Variants in SEPTIN8 observed in about 807,000 individuals in gnomAD.
SEPTIN8 encodes septin-8.
Under a neutral mutation model 53.1 loss-of-function variants are expected in SEPTIN8, and 22 were observed. The ratio of observed to expected loss-of-function variants is 0.41; its 90% CI spans 0.30 to 0.59. SEPTIN8 has a LOEUF of 0.59. Among genes scored for constraint, SEPTIN8 ranks in the 20% least tolerant of loss-of-function variants. SEPTIN8 has a pLI of 0.24. For synonymous variants in SEPTIN8, 228 were observed against 248.4 expected (o/e 0.92, Z 0.77); for missense variants, 536 against 638.7 (o/e 0.84, Z 1.73).
Position 132,764,340 on chromosome 5 carries a change from A to G in SEPTIN8, c.231T>C (p.His77=), listed in dbSNP as rs1236949778. ...GGGGCCGCAGGCGCACGCATGCCTC[A>G]TGGTGACTGGCTTCCTCAGTCTCGA... is the stretch of plus-strand genomic sequence containing the variant. ...TTFETEEASH[H]EACVRLRPQT... Residue 77 remains histidine (H), a synonymous_variant, in exon 3 of 10, where the codon CAT becomes CAC. Transcript: ENST00000378719. The G allele has an allele frequency of 2.5e-6, 4 of 1,614,040 alleles. No homozygotes were observed. Among genetic ancestry groups the G allele is most frequent in the South Asian group, 2.2e-5 (2 of 91,084 alleles).
chr5:132,771,019 G>A (rs958514347), intron 1 of SEPTIN8, among the ~76,000 whole-genome samples: 6 of 152,198 alleles, frequency 3.9e-5, no homozygotes, highest in Non-Finnish European at 5.9e-5. Context: ...GGCCGGCTGC[G>A]TGCCTCCATG....
intron 5 of SEPTIN8, 145 bp downstream of exon 5, chr5:132,762,339 G>A (rs1184128426): frequency 1.3e-6 from 1 of 771,100 alleles, no homozygotes; most frequent in Non-Finnish European, 2.1e-6. Flanking sequence ...ATGTAGGACT[G>A]GCCAGCTCCA....
At chr5:132,752,568 G>T (rs1427236506) in intron 9 of SEPTIN8, among the ~76,000 whole-genome samples, 2 of 152,164 alleles carry the variant, frequency 1.3e-5, no homozygotes, top group East Asian at 3.8e-4. Context: ...TCCTTTGTAT[G>T]AGTGTGTGGT....
intron 9 of SEPTIN8, chr5:132,759,101 C>A: frequency 1.7e-6 from 1 of 578,866 alleles, no homozygotes; most frequent in Non-Finnish European, 3.3e-6. Flanking sequence ...TCATGAAAAA[C>A]ACCCCTGCCC....
chr5:132,766,364 G>A (rs1193754377), intron 1 of SEPTIN8, among the ~76,000 whole-genome samples: 1 of 152,244 alleles, frequency 6.6e-6, no homozygotes, highest in Non-Finnish European at 1.5e-5. Flanking sequence ...GCAGAGGGCT[G>A]AGCGGCAGGC....
At chr5:132,762,939 C>A (rs140501408) in intron 4 of SEPTIN8, among the ~76,000 whole-genome samples, 1 of 152,194 alleles carries the variant, frequency 6.6e-6, no homozygotes, top group Non-Finnish European at 1.5e-5. Context: ...GACCCAGAAT[C>A]CTTTGAAGGT....
intron 9 of SEPTIN8, chr5:132,758,041 A>C: frequency 1.0e-6 from 1 of 992,910 alleles, no homozygotes; most frequent in Non-Finnish European, 1.2e-6. Context: ...TCTGGGGCAC[A>C]GACAACAGCT....
chr5:132,765,597 G>A (rs1040685374), intron 1 of SEPTIN8, 68 bp from the exon 2 acceptor site: 13 of 1,507,304 alleles, frequency 8.6e-6, no homozygotes, highest in South Asian at 8.0e-5. Flanking sequence ...CGGGGTGGGC[G>A]CTAAATCTGA....
upstream of SEPTIN8, chr5:132,778,053 C>G (rs749143307): frequency 1.4e-5 from 14 of 985,562 alleles, no homozygotes; most frequent in Non-Finnish European, 1.7e-5. Context: ...GCTAATGTCA[C>G]TGCTCAAAAC....
chr5:132,763,764 G>C lies in SEPTIN8; in HGVS notation c.476C>G (p.Pro159Arg), dbSNP rs772921324. ...RIHVCLYFIT[P>R]TGHSLKSLDL... is the part of the protein sequence containing the mutation. The stretch of plus-strand genomic sequence containing the variant: ...TAGAGACTTCAGGGAGTGCCCTGTG[G>C]GCGTGATGAAGTAGAGGCAAACGTG... Residue 159 changes from proline to arginine, a missense_variant, in exon 4 of 10, where the codon CCC (proline) becomes CGC (arginine). Pro to Arg is a moderately radical substitution (Grantham distance 103, BLOSUM62 -2). Coordinates refer to ENST00000378719, the MANE Select transcript of SEPTIN8 (RefSeq NM_001098811.2). The C allele has an allele frequency of 1.2e-6, 2 of 1,614,166 alleles. No homozygotes were observed.
chr5:132,765,650 A>G, intron 1 of SEPTIN8, 121 bp from the exon 2 acceptor site: 1 of 1,246,252 alleles, frequency 8.0e-7, no homozygotes, highest in South Asian at 1.5e-5. Flanking sequence ...TGAATTCTCA[A>G]CAAATCTCAG....
upstream of SEPTIN8, chr5:132,777,628 A>G: frequency 1.0e-6 from 1 of 985,452 alleles, no homozygotes; most frequent in Non-Finnish European, 1.2e-6. This position sits in a 1 kb window ranked among gnomAD's most constrained non-coding sequence, Gnocchi z 4.1. Context: ...CTCCCCCACC[A>G]AGCCGTCTCC....
In SEPTIN8 at chr5:132,762,611, G is replaced by C. The variant is rs1419564026; in HGVS notation, c.569C>G (p.Thr190Ser). The C allele has an allele frequency of 6.2e-7, 1 of 1,614,252 alleles. No homozygotes were observed. The highest frequency in any genetic ancestry group is 8.5e-7 in the Non-Finnish European group (1 of 1,180,034). ...CTTGTGGAGCTCGCTCTTGGAGATG[G>C]TGTCAGCCTTGGCGATGATGGGAAT... is the stretch of plus-strand genomic sequence containing the variant. ...NIIPIIAKAD[T>S]ISKSELHKFK... Residue 190 changes from threonine to serine, a missense_variant, in exon 5 of 10, where the codon ACC becomes AGC. By Grantham distance (58) the Thr-to-Ser change is moderately conservative. Around this residue, in one of 3 missense-constraint regions of SEPTIN8, gnomAD observed 395 missense variants for 451.8 expected, o/e 0.87. Coordinates refer to ENST00000378719, the MANE Select transcript of SEPTIN8 (RefSeq NM_001098811.2).
rs374687255 is a variant in SEPTIN8, at chr5:132,760,887, G to A, written c.1201C>T (p.Arg401Trp). 1.2e-5 allele frequency: 19 copies of A among 1,611,070 alleles called. No individual in the cohort carries two copies. The highest frequency in any genetic ancestry group is 5.4e-5 in the African/African-American group (4 of 74,694). ...LEEETNAFNR[R>W]KAAVEALQSQ... Reference sequence around the variant, plus strand: ...TGCAGGGCCTCCACCGCAGCCTTCCGGCGATTGAAGGCGTTGGTCTCCTCC... The same window carrying A: ...TGCAGGGCCTCCACCGCAGCCTTCCAGCGATTGAAGGCGTTGGTCTCCTCC... The change falls in exon 9 of 10, where the codon CGG (arginine) becomes TGG (tryptophan). Residue 401 changes from arginine (R) to tryptophan (W), a missense_variant. This residue lies in a region of SEPTIN8 where 133 missense variants were observed against 157.4 expected (regional missense o/e 0.84). Transcript: ENST00000378719. This position sits in a 1 kb window ranked among gnomAD's most constrained non-coding sequence, Gnocchi z 5.2.
chr5:132,759,117 C>T (rs1258159782), intron 9 of SEPTIN8: 1 of 537,624 alleles, frequency 1.9e-6, no homozygotes, highest in Non-Finnish European at 3.6e-6. Context: ...TGCCCCCATT[C>T]CAAAAATGCA....
intron 4 of SEPTIN8, among the ~76,000 whole-genome samples, chr5:132,763,120 G>A (rs185244763): frequency 1.5e-4 from 23 of 152,260 alleles, no homozygotes; most frequent in South Asian, 6.2e-4. Flanking sequence ...GGGCAGTCAC[G>A]TGAGAGCTGA....
In SEPTIN8 at chr5:132,756,716, G is replaced by A. The variant is rs74784245; in HGVS notation, c.1286+4086C>T. On this transcript the variant is annotated intron_variant, in intron 9 of 9. Coordinates refer to ENST00000378719, the MANE Select transcript of SEPTIN8 (RefSeq NM_001098811.2). ...AGACCAGAAAACACAAGTCTGTCAA[G>A]TGTCCTGAAGATCCTGGGAAGGCTT... 10 of 985,500 alleles carry A rather than the reference G, an allele frequency of 1.0e-5. No individual in the cohort carries two copies. The East Asian group carries it at 1.1e-3, about 112-fold the overall frequency. The allele number at this position is 985,500 out of a possible 1,614,324, so 61.0% of individuals were successfully genotyped here. A position where few individuals can be genotyped will look rare whatever the true frequency, so the allele number is the denominator to read the frequency against.
chr5:132,777,008 G>T lies in SEPTIN8; in HGVS notation c.30+100C>A. On this transcript the variant is annotated intron_variant, in intron 1 of 9. Coordinates refer to ENST00000378719, the MANE Select transcript of SEPTIN8 (RefSeq NM_001098811.2). The surrounding 1 kb of genome is among the most constrained non-coding windows in gnomAD (Gnocchi z 4.1). ...TGGCCCGGTGTCGAGGCCCGGCCGT[G>T]AGGCGCTGACAGCCCGCTTCGCGCC... 1 of 748,284 alleles carries T rather than the reference G, an allele frequency of 1.3e-6. No homozygotes were observed. Among genetic ancestry groups the T allele is most frequent in the Non-Finnish European group, 1.7e-6 (1 of 576,748 alleles). 46.4% of individuals were successfully genotyped at this position (748,284 alleles called of 1,614,324 possible).
intron 9 of SEPTIN8, chr5:132,757,244 C>G: frequency 2.0e-6 from 2 of 985,354 alleles, no homozygotes; most frequent in Middle Eastern, 5.2e-4. Context: ...AGATCCACCC[C>G]TGGTCATAGC....
Sources: gnomAD v4.1 joint callset for allele counts (sites outside exome capture counted in the v4.1 genomes callset) on GRCh38, gnomAD v4.1.1 for gene constraint, gnomAD v4.1.1 regional missense constraint, Gnocchi (gnomAD v3.1) non-coding constraint, MANE v1.5 for transcripts, NCBI Gene and HGNC (gene_info 2026-07-23, HGNC 2026-07-21) for gene names.